The following PLPPR1 variants were observed in gnomAD, a reference collection of about 807,000 sequenced individuals.
PLPPR1 encodes the protein phospholipid phosphatase related 1.
PLPPR1 carries 10 observed loss-of-function variants against 33.1 expected under a neutral mutation model. The ratio of observed to expected loss-of-function variants is 0.30; its 90% confidence interval spans 0.19 to 0.51. The LOEUF is 0.51. Among genes scored for constraint, PLPPR1 ranks in the 20% least tolerant of loss-of-function variants. The pLI, the probability that PLPPR1 is intolerant of heterozygous loss-of-function variation, is 0.97. For missense variants in PLPPR1, 304 were observed against 408.1 expected, an observed-to-expected ratio of 0.74 and a Z score of 2.20; for synonymous variants, 151 against 151.0, an observed-to-expected ratio of 1.00 and a Z score of 0.00.
At chr9:101,070,344 G>T (rs1384198622) in intron 1 of PLPPR1, among the ~76,000 whole-genome samples, 1 of 151,942 alleles carries the variant, frequency 6.6e-6, no homozygotes, top group Non-Finnish European at 1.5e-5. Flanking sequence ...TGCTCAAATT[G>T]TTCCAGCCTT....
intron 1 of PLPPR1, among the ~76,000 whole-genome samples, chr9:101,075,039 T>G (rs992162981): frequency 4.6e-5 from 7 of 152,210 alleles, no homozygotes; most frequent in African/African-American, 1.7e-4. Flanking sequence ...TGCGGGAAAC[T>G]GCTCAAATTA....
chr9:101,072,004 T>A (rs1401070629), intron 1 of PLPPR1, among the ~76,000 whole-genome samples: 1 of 151,896 alleles, frequency 6.6e-6, no homozygotes, highest in East Asian at 1.9e-4. Context: ...TGAATGGGGG[T>A]AATAGTTGGA....
intron 2 of PLPPR1, among the ~76,000 whole-genome samples, chr9:101,210,117 T>A (rs1826662816): frequency 6.6e-6 from 1 of 152,262 alleles, no homozygotes; most frequent in Middle Eastern, 3.2e-3. Flanking sequence ...GTTGTGGTCA[T>A]CAACCATGCT....
chr9:101,084,242 T>C (rs1209827503), intron 1 of PLPPR1, among the ~76,000 whole-genome samples: 3 of 152,186 alleles, frequency 2.0e-5, no homozygotes, highest in Admixed American at 6.5e-5. Flanking sequence ...AATTCCAGGA[T>C]CTGGATAGGT....
intron 1 of PLPPR1, among the ~76,000 whole-genome samples, chr9:101,038,703 A>T (rs1224908199): frequency 6.6e-6 from 1 of 152,134 alleles, no homozygotes; most frequent in Non-Finnish European, 1.5e-5. Context: ...AGGGAACTCC[A>T]CAAATACTAG....
At chr9:101,084,988 G>A (rs186053744) in intron 1 of PLPPR1, among the ~76,000 whole-genome samples, 4 of 152,292 alleles carry the variant, frequency 2.6e-5, no homozygotes, top group African/African-American at 9.6e-5. Flanking sequence ...CATTATTTTT[G>A]TGATTCATGG....
At chr9:101,055,460 T>A (rs535104232) in intron 1 of PLPPR1, among the ~76,000 whole-genome samples, 1 of 152,340 alleles carries the variant, frequency 6.6e-6, no homozygotes, top group Non-Finnish European at 1.5e-5. Flanking sequence ...TTCAAGTAAA[T>A]CAAAAGATCG....
At chr9:101,039,252 C>A (rs1266829645) in intron 1 of PLPPR1, among the ~76,000 whole-genome samples, 2 of 152,140 alleles carry the variant, frequency 1.3e-5, no homozygotes, top group Non-Finnish European at 2.9e-5. Flanking sequence ...CTGCCATCCA[C>A]TAGCTTTGTG....
intron 1 of PLPPR1, among the ~76,000 whole-genome samples, chr9:101,065,346 T>C (rs1186108658): frequency 6.6e-6 from 1 of 152,066 alleles, no homozygotes; most frequent in Non-Finnish European, 1.5e-5. Flanking sequence ...ACCCTGACAT[T>C]GAATCGAGCA....
chr9:101,317,208 C>T (rs117231903), intron 6 of PLPPR1, among the ~76,000 whole-genome samples, 157 bp from the exon 7 acceptor site: 121 of 152,274 alleles, frequency 7.9e-4, no homozygotes, highest in Middle Eastern at 6.8e-3. Flanking sequence ...ATTAAACAGA[C>T]GTTTCCACAG....
chr9:101,193,330 C>G (rs1485492247), intron 2 of PLPPR1, among the ~76,000 whole-genome samples: 4 of 152,142 alleles, frequency 2.6e-5, no homozygotes, highest in Non-Finnish European at 4.4e-5. Context: ...AATGGTTCAT[C>G]CTTCTCTCCC....
intron 1 of PLPPR1, among the ~76,000 whole-genome samples, chr9:101,169,380 A>G (rs1825906301): frequency 6.6e-6 from 1 of 152,190 alleles, no homozygotes; most frequent in South Asian, 2.1e-4. Flanking sequence ...AAATAGAGGT[A>G]AACAATAAGA....
intron 1 of PLPPR1, among the ~76,000 whole-genome samples, chr9:101,157,581 C>T (rs1298640469): frequency 6.6e-6 from 1 of 152,088 alleles, no homozygotes; most frequent in Non-Finnish European, 1.5e-5. Context: ...TGAGAAGAAA[C>T]CCCTGGGGAA....
chr9:101,084,580 C>CAAAAA (rs1830656499), intron 1 of PLPPR1, among the ~76,000 whole-genome samples: 4 of 152,100 alleles, frequency 2.6e-5, no homozygotes, highest in African/African-American at 9.7e-5. Context: ...AGCGGAAAAC[C>CAAAAA]AGAGCTTCAT....
intron 1 of PLPPR1, among the ~76,000 whole-genome samples, chr9:101,158,577 A>G (rs561104473): frequency 6.6e-6 from 1 of 152,346 alleles, no homozygotes; most frequent in East Asian, 1.9e-4. Flanking sequence ...AGCTATCATC[A>G]TGAGTCGCTG....
At chr9:101,134,370 G>A (rs918978081) in intron 1 of PLPPR1, among the ~76,000 whole-genome samples, 4 of 149,078 alleles carry the variant, frequency 2.7e-5, no homozygotes, top group African/African-American at 9.7e-5. Context: ...ATATATTGTG[G>A]TCTGTAAGAA....
chr9:101,242,300 T>C (rs1274954351), intron 2 of PLPPR1, among the ~76,000 whole-genome samples: 1 of 151,508 alleles, frequency 6.6e-6, no homozygotes, highest in Non-Finnish European at 1.5e-5. Context: ...TTTAATCCCA[T>C]GCTATTGGTC....
intron 2 of PLPPR1, among the ~76,000 whole-genome samples, chr9:101,260,188 A>G (rs2118878861): frequency 6.6e-6 from 1 of 152,250 alleles, no homozygotes; most frequent in East Asian, 1.9e-4. Flanking sequence ...TCCAAATACC[A>G]TCACATTGGG....
intron 1 of PLPPR1, among the ~76,000 whole-genome samples, chr9:101,076,308 C>T (rs1830535928): frequency 6.6e-6 from 1 of 152,062 alleles, no homozygotes; most frequent in African/African-American, 2.4e-5. Context: ...TGGAAGCTTT[C>T]AAGCAAAAGA....
Sources: allele counts gnomAD v4.1 joint callset (sites outside exome capture counted in the v4.1 genomes callset), GRCh38; gene constraint gnomAD v4.1.1; transcripts MANE v1.5; gene names NCBI Gene and HGNC (gene_info 2026-07-23, HGNC 2026-07-21).